The following MTMR2 variants were observed in gnomAD, a reference collection of about 807,000 sequenced individuals.
MTMR2 encodes phosphatidylinositol-3,5-bisphosphate 3-phosphatase MTMR2.
Under a neutral mutation model 86.9 loss-of-function variants are expected in MTMR2, and 55 were observed. That is an observed-to-expected ratio of 0.63 (90% CI 0.51 to 0.79). The LOEUF is 0.79. Ranked by LOEUF, MTMR2 falls within the 30% of genes least tolerant of loss-of-function variation. The pLI is 0.00. For missense variants in MTMR2, 659 were observed against 772.3 expected (o/e 0.85, Z 1.74); for synonymous variants, 241 against 266.8 (o/e 0.90, Z 0.94).
At chr11:95,880,596 G>A (rs1816983235) in intron 2 of MTMR2, among the ~76,000 whole-genome samples, 2 of 152,016 alleles carry the variant, frequency 1.3e-5, no homozygotes, top group South Asian at 4.1e-4. Context: ...GGTATTATCA[G>A]ACTTGTTAAT....
chr11:95,905,285 T>A (rs561896113), intron 1 of MTMR2, among the ~76,000 whole-genome samples: 1 of 151,100 alleles, frequency 6.6e-6, no homozygotes, highest in South Asian at 2.1e-4. Flanking sequence ...GATGTGAAAA[T>A]ACCGTCTAAA....
chr11:95,892,526 T>C (rs573692842), intron 1 of MTMR2, among the ~76,000 whole-genome samples: 7 of 152,348 alleles, frequency 4.6e-5, no homozygotes, highest in Admixed American at 1.3e-4. Context: ...CATTTGAACT[T>C]GAAGTAGAAA....
At chr11:95,845,218 A>G (rs1863735719) in intron 10 of MTMR2, 59 bp from the exon 11 acceptor site, 5 of 1,374,892 alleles carry the variant, frequency 3.6e-6, no homozygotes, top group Non-Finnish European at 5.1e-6. Flanking sequence ...TCCTTCTTCA[A>G]AATTTACTAA....
intron 2 of MTMR2, among the ~76,000 whole-genome samples, chr11:95,886,582 TTAAAC>T (rs1865520915): frequency 6.6e-6 from 1 of 152,134 alleles, no homozygotes; most frequent in South Asian, 2.1e-4. Flanking sequence ...GTTAAGTAGT[TTAAAC>T]TAATACTCAC....
chr11:95,845,882 T>TAAAAAAA (rs201863810), intron 10 of MTMR2, among the ~76,000 whole-genome samples: 3 of 90,100 alleles, frequency 3.3e-5, no homozygotes, highest in African/African-American at 5.2e-5. Context: ...TATGGTATCT[T>TAAAAAAA]AAAAAAAAAA....
At chr11:95,870,003 T>C (rs1189014985) in intron 2 of MTMR2, among the ~76,000 whole-genome samples, 2 of 152,172 alleles carry the variant, frequency 1.3e-5, no homozygotes, top group Non-Finnish European at 2.9e-5. Flanking sequence ...TCTAAACTCA[T>C]AGAATGTACA....
At chr11:95,906,705 A>G (rs1866290935) in intron 1 of MTMR2, among the ~76,000 whole-genome samples, 1 of 152,214 alleles carries the variant, frequency 6.6e-6, no homozygotes, top group South Asian at 2.1e-4. Flanking sequence ...ATCACAGTGC[A>G]ATAAAAATAG....
At chr11:95,923,782 C>A (rs994825878) in intron 1 of MTMR2, 93 bp downstream of exon 1, 24 of 1,513,116 alleles carry the variant, frequency 1.6e-5, no homozygotes, top group Non-Finnish European at 2.0e-5. Context: ...CTTCAGAAAC[C>A]AGAATCCGCG....
intron 7 of MTMR2, among the ~76,000 whole-genome samples, chr11:95,854,724 T>C (rs1475474898): frequency 1.3e-5 from 2 of 149,236 alleles, no homozygotes; most frequent in South Asian, 2.2e-4. Context: ...CCTTGGCTTC[T>C]CAAAGTGCTG....
At chr11:95,847,655 C>T (rs1401110160) in intron 10 of MTMR2, 59 bp downstream of exon 10, 7 of 1,449,974 alleles carry the variant, frequency 4.8e-6, no homozygotes, top group Non-Finnish European at 5.8e-6. Context: ...AAGTAAAAAG[C>T]TAATATAAAC....
chr11:95,843,115 A>G (rs1863622280), intron 11 of MTMR2, among the ~76,000 whole-genome samples: 1 of 152,114 alleles, frequency 6.6e-6, no homozygotes, highest in Non-Finnish European at 1.5e-5. Flanking sequence ...GTGAATTATC[A>G]CTGAAAGGAA....
At chr11:95,882,673 T>G (rs1865371985) in intron 2 of MTMR2, among the ~76,000 whole-genome samples, 1 of 151,480 alleles carries the variant, frequency 6.6e-6, no homozygotes, top group Admixed American at 6.6e-5. Context: ...ATCATATACA[T>G]GTACATAAGA....
Position 95,834,741 on chromosome 11 carries a change from C to CTTT in MTMR2, c.*548_*549insAAA, listed in dbSNP as rs1565341041. 1 of 160,024 alleles carries CTTT rather than the reference C, an allele frequency of 6.2e-6. No homozygotes were observed. The highest frequency in any genetic ancestry group is 1.7e-4 in the East Asian group (1 of 5,742). The allele number at this position is 160,024 out of a possible 1,614,324, so 9.9% of individuals were successfully genotyped here. On this transcript the variant is annotated 3_prime_UTR_variant, in exon 15 of 15. Coordinates refer to ENST00000346299, the MANE Select transcript of MTMR2 (RefSeq NM_016156.6). ...TACTACCACACCGTAGTATCTTCAACACTTTGCCTTTTACTATATGAAGAA... is the reference window on the plus strand; with the variant it reads ...TACTACCACACCGTAGTATCTTCAACTTTACTTTGCCTTTTACTATATGAAGAA...
chr11:95,897,146 G>A (rs1865906239), intron 1 of MTMR2, among the ~76,000 whole-genome samples: 1 of 151,930 alleles, frequency 6.6e-6, no homozygotes, highest in Admixed American at 6.6e-5. Flanking sequence ...TCCCATGAGA[G>A]CTATTTCCTG....
intron 12 of MTMR2, chr11:95,840,190 T>G (rs2135413106): frequency 6.6e-6 from 1 of 152,280 alleles, no homozygotes; most frequent in Admixed American, 6.5e-5. Flanking sequence ...ATATCAGAAC[T>G]GATACATTCA....
rs1021098958 is a variant in MTMR2 at position 95,919,098 on chromosome 11, A to G, written c.80+4777T>C. Among the ~76,000 whole-genome samples the G allele has an allele frequency of 3.3e-5, 5 of 152,262 alleles. No homozygotes were observed. The South Asian group carries it at 1.0e-3, about 32-fold the overall frequency. ...GCAATCCCAAACTGTTCAGCCTCCT[A>G]AACTGCTAGGATTACAGGCGTTAGC... On this transcript the variant is annotated intron_variant, in intron 1 of 14. Transcript: ENST00000346299.
At position 95,857,531 on chromosome 11, in the gene MTMR2, GA is replaced by G. The variant is rs769488888; in HGVS notation, c.654+20del. 2 of 1,539,276 alleles carry G rather than the reference GA, an allele frequency of 1.3e-6. No homozygotes were observed. Among genetic ancestry groups the G allele is most frequent in the Non-Finnish European group, 1.8e-6 (2 of 1,115,016 alleles). Reference sequence around the variant, plus strand: ...GAAAAGAATACAAAATACTAAAATTGAAAGAGAAGAAAGTACATACCTGCCT... The same window carrying G: ...GAAAAGAATACAAAATACTAAAATTGAAGAGAAGAAAGTACATACCTGCCT... On this transcript the variant is annotated intron_variant, in intron 7 of 14. Coordinates refer to ENST00000346299, the MANE Select transcript of MTMR2 (RefSeq NM_016156.6).
chr11:95,910,249 G>A (rs1244980226), intron 1 of MTMR2, among the ~76,000 whole-genome samples: 2 of 151,842 alleles, frequency 1.3e-5, no homozygotes, highest in East Asian at 1.9e-4. Context: ...CGTTAGAAAA[G>A]TATTGACCCT....
intron 11 of MTMR2, among the ~76,000 whole-genome samples, chr11:95,842,439 T>G (rs924439214): frequency 1.3e-5 from 2 of 152,198 alleles, no homozygotes; most frequent in Middle Eastern, 3.2e-3. Flanking sequence ...AGCACTAATG[T>G]GTCTTCATCA....
Sources: gnomAD v4.1 joint callset for allele counts (sites outside exome capture counted in the v4.1 genomes callset) on GRCh38, gnomAD v4.1.1 for gene constraint, MANE v1.5 for transcripts, NCBI Gene and HGNC (gene_info 2026-07-23, HGNC 2026-07-21) for gene names.